TMTC2: variants seen among roughly 807,000 people sequenced by gnomAD.
TMTC2 encodes transmembrane O-mannosyltransferase targeting cadherins 2.
TMTC2 carries 43 observed loss-of-function variants against 82.4 expected under a neutral mutation model. The observed-to-expected ratio is 0.52, with a 90% CI of 0.41 to 0.67. The LOEUF (loss-of-function observed/expected upper bound fraction) is 0.67. Ranked by LOEUF, TMTC2 falls within the 30% of genes least tolerant of loss-of-function variation. TMTC2 has a pLI of 0.00. For missense variants in TMTC2, 919 were observed against 1,012.4 expected (o/e 0.91, Z 1.25); for synonymous variants, 408 against 381.9 (o/e 1.07, Z -0.80).
intron 11 of TMTC2, among the ~76,000 whole-genome samples, chr12:83,108,170 A>G (rs1381790032): frequency 6.6e-6 from 1 of 152,162 alleles, no homozygotes; most frequent in Non-Finnish European, 1.5e-5. Flanking sequence ...GCCCAGTCTC[A>G]GTTCTTTATA....
At chr12:82,932,967 A>G (rs1187715605) in intron 4 of TMTC2, among the ~76,000 whole-genome samples, 1 of 152,208 alleles carries the variant, frequency 6.6e-6, no homozygotes, top group Non-Finnish European at 1.5e-5. Flanking sequence ...GTGGATGCAT[A>G]TATAAGTCAT....
At chr12:82,826,593 C>T (rs976821540) in intron 1 of TMTC2, among the ~76,000 whole-genome samples, 2 of 152,182 alleles carry the variant, frequency 1.3e-5, no homozygotes, top group Non-Finnish European at 1.5e-5. Context: ...CAATTATGTT[C>T]ATAAGTAATT....
At chr12:82,963,274 A>G (rs1295416931) in intron 4 of TMTC2, among the ~76,000 whole-genome samples, 4 of 152,018 alleles carry the variant, frequency 2.6e-5, no homozygotes, top group Non-Finnish European at 5.9e-5. Context: ...GAGGTACACG[A>G]ACATTTTTGT....
intron 2 of TMTC2, among the ~76,000 whole-genome samples, chr12:82,866,665 C>T (rs529100751): frequency 6.6e-6 from 1 of 152,282 alleles, no homozygotes; most frequent in South Asian, 2.1e-4. Context: ...GTTACTCATA[C>T]TCAAGCCAGT....
chr12:83,066,614 T>C (rs971517200), intron 11 of TMTC2, among the ~76,000 whole-genome samples: 16 of 151,908 alleles, frequency 1.1e-4, no homozygotes, highest in Non-Finnish European at 1.6e-4. Flanking sequence ...TTGGGAAAAC[T>C]AAATAAAAGG....
At chr12:82,867,804 T>A (rs1170536657) in intron 2 of TMTC2, among the ~76,000 whole-genome samples, 1 of 152,192 alleles carries the variant, frequency 6.6e-6, no homozygotes, top group African/African-American at 2.4e-5. Flanking sequence ...CTATATGTAG[T>A]CTCTTCTTAA....
intron 2 of TMTC2, among the ~76,000 whole-genome samples, chr12:82,872,005 A>ACAACAC (rs1872211013): frequency 1.0e-5 from 1 of 95,698 alleles, no homozygotes; most frequent in Non-Finnish European, 2.1e-5. Flanking sequence ...GTTGAACAAC[A>ACAACAC]CCCCCCCCCC....
At chr12:82,926,098 C>T (rs1029442781) in intron 3 of TMTC2, among the ~76,000 whole-genome samples, 5 of 151,758 alleles carry the variant, frequency 3.3e-5, no homozygotes, top group Middle Eastern at 6.8e-3. Flanking sequence ...TCCCCTGCCT[C>T]GCCTCCCAAG....
intron 1 of TMTC2, among the ~76,000 whole-genome samples, chr12:82,788,046 T>C (rs1878269813): frequency 1.3e-5 from 2 of 152,068 alleles, no homozygotes; most frequent in Admixed American, 1.3e-4. Flanking sequence ...TTTCCAAAAG[T>C]GGTATTTTGG....
At chr12:83,035,993 G>A (rs187862425) in intron 9 of TMTC2, among the ~76,000 whole-genome samples, 56 of 152,282 alleles carry the variant, frequency 3.7e-4, no homozygotes, top group Admixed American at 2.0e-3. Flanking sequence ...TAGAAGGGAG[G>A]AGATTGTAAT....
At chr12:82,752,085 T>A (rs1485991982) in intron 1 of TMTC2, among the ~76,000 whole-genome samples, 1 of 152,064 alleles carries the variant, frequency 6.6e-6, no homozygotes, top group Non-Finnish European at 1.5e-5. Flanking sequence ...AGTTGTTAAA[T>A]AGATACATTA....
intron 8 of TMTC2, among the ~76,000 whole-genome samples, chr12:83,021,204 A>G (rs1880906463): frequency 6.6e-6 from 1 of 151,938 alleles, no homozygotes; most frequent in Non-Finnish European, 1.5e-5. Context: ...TTCTCATTGC[A>G]AGGTATCCGA....
intron 8 of TMTC2, among the ~76,000 whole-genome samples, 192 bp from the exon 9 acceptor site, chr12:83,030,606 C>T (rs1881386028): frequency 6.6e-6 from 1 of 152,050 alleles, no homozygotes; most frequent in Non-Finnish European, 1.5e-5. Context: ...TCATGCCTTC[C>T]AGGGTTCAGA....
intron 8 of TMTC2, among the ~76,000 whole-genome samples, chr12:83,009,464 G>T (rs772113527): frequency 3.3e-5 from 5 of 152,074 alleles, no homozygotes; most frequent in Non-Finnish European, 5.9e-5. Flanking sequence ...AGAAAAGCAG[G>T]TCTCCACTAT....
At chr12:82,768,254 A>G (rs1385170457) in intron 1 of TMTC2, among the ~76,000 whole-genome samples, 7 of 152,370 alleles carry the variant, frequency 4.6e-5, no homozygotes, top group Non-Finnish European at 1.0e-4. Context: ...CTGCAGTTGC[A>G]TCTGTAGTGC....
chr12:82,768,326 C>T (rs1201477558), intron 1 of TMTC2, among the ~76,000 whole-genome samples: 1 of 152,176 alleles, frequency 6.6e-6, no homozygotes, highest in Non-Finnish European at 1.5e-5. Context: ...TGTGCAATAG[C>T]TGTGTCTAAT....
intron 1 of TMTC2, among the ~76,000 whole-genome samples, chr12:82,719,733 G>T (rs1430014138): frequency 7.3e-6 from 1 of 136,824 alleles, no homozygotes; most frequent in Non-Finnish European, 1.5e-5. Flanking sequence ...TTGGCCCCAA[G>T]TAACCTTGGA....
intron 9 of TMTC2, among the ~76,000 whole-genome samples, chr12:83,039,670 T>C (rs930895890): frequency 1.3e-5 from 2 of 152,064 alleles, no homozygotes; most frequent in African/African-American, 2.4e-5. Context: ...TGCCAGTTAA[T>C]AGTAGATAAA....
At chr12:82,861,008 A>G (rs1050005908) in intron 2 of TMTC2, among the ~76,000 whole-genome samples, 1 of 152,256 alleles carries the variant, frequency 6.6e-6, no homozygotes, top group African/African-American at 2.4e-5. Context: ...TAGAAGATCC[A>G]TTCAACCTTA....
Sources: allele counts gnomAD v4.1 joint callset (sites outside exome capture counted in the v4.1 genomes callset), GRCh38; gene constraint gnomAD v4.1.1; transcripts MANE v1.5; gene names NCBI Gene and HGNC (gene_info 2026-07-23, HGNC 2026-07-21).